Variants in DDX23 observed in about 807,000 individuals in gnomAD.
DDX23 encodes the protein DEAD-box helicase 23.
DDX23 carries 33 observed loss-of-function variants against 102.7 expected under a neutral mutation model. The observed-to-expected ratio is 0.32, with a 90% CI of 0.24 to 0.43. DDX23 has a LOEUF of 0.43. Among genes scored for constraint, DDX23 ranks in the 20% least tolerant of loss-of-function variants. The pLI is 1.00. For missense variants in DDX23, 549 were observed against 1,086.6 expected (o/e 0.51, Z 6.96); for synonymous variants, 352 against 376.0 (o/e 0.94, Z 0.74).
In DDX23 at chr12:48,851,472, C is replaced by CA. The variant is rs1422608059; in HGVS notation, c.-1+611dup. 9.7e-3 allele frequency among the ~76,000 whole-genome samples: 1,131 copies of CA among 116,590 alleles called. 11 individuals are homozygous for CA. Among genetic ancestry groups the CA allele is most frequent in the African/African-American group, 0.03 (922 of 31,082 alleles). The allele number at this position is 116,590 out of a possible 152,430, so 76.5% of individuals were successfully genotyped here. ...TAGGCGACAGAGCGAGACTCCGTCT[C>CA]AAAAAAAAAAAGAAAAGAAAAGAAA... is the stretch of plus-strand genomic sequence containing the variant. On this transcript the variant is annotated intron_variant, in intron 1 of 16. Transcript: ENST00000308025.
intron 3 of DDX23, among the ~76,000 whole-genome samples, chr12:48,843,673 T>C (rs1374824043): frequency 6.6e-6 from 1 of 150,838 alleles, no homozygotes; most frequent in Non-Finnish European, 1.5e-5. Flanking sequence ...CTCAGCCTCC[T>C]GAGTAGCTGG....
At chr12:48,849,929 C>T (rs1306498859) in intron 1 of DDX23, among the ~76,000 whole-genome samples, 2 of 152,196 alleles carry the variant, frequency 1.3e-5, no homozygotes, top group Non-Finnish European at 2.9e-5. Context: ...CTGGGAAGCA[C>T]TAATGCAGGA....
intron 1 of DDX23, among the ~76,000 whole-genome samples, chr12:48,851,259 C>G (rs1235079279): frequency 1.3e-5 from 2 of 152,070 alleles, no homozygotes; most frequent in African/African-American, 4.8e-5. Flanking sequence ...ATTGCCTGAG[C>G]TCAGGAGTTC....
chr12:48,843,648 A>G (rs2137492905), intron 3 of DDX23, among the ~76,000 whole-genome samples: 1 of 146,092 alleles, frequency 6.8e-6, no homozygotes, highest in African/African-American at 2.5e-5. Context: ...TCCCGGGTTC[A>G]CGCCATTCTC....
At chr12:48,846,629 G>A (rs1049458813) in intron 1 of DDX23, among the ~76,000 whole-genome samples, 4 of 152,206 alleles carry the variant, frequency 2.6e-5, no homozygotes, top group African/African-American at 9.6e-5. Flanking sequence ...TATGCAATGG[G>A]AAGAACTTGG....
In DDX23 at chr12:48,840,113, G is replaced by A. The variant is rs755048167; in HGVS notation, c.321-7C>T. The stretch of plus-strand genomic sequence containing the variant: ...TCCTCGACCAGGAGATAAGCTTTGA[G>A]GAAAAGGAACAAGGTCCACATCACT... On this transcript the variant is annotated splice_polypyrimidine_tract_variant and splice_region_variant and intron_variant, in intron 3 of 16. Transcript: ENST00000308025. The A allele has an allele frequency of 1.1e-5, 18 of 1,610,334 alleles. No individual in the cohort carries two copies. The highest frequency in any genetic ancestry group is 1.4e-5 in the Non-Finnish European group (17 of 1,176,724).
Position 48,840,096 on chromosome 12 carries a change from C to G in DDX23, c.331G>C (p.Gly111Arg), listed in dbSNP as rs771138266. The part of the protein sequence containing the change: ...KDRKRSSLSP[G>R]RGKDFKSRKD... ...CGAGATTTAAAGTCTTTTCCTCGAC[C>G]AGGAGATAAGCTTTGAGGAAAAGGA... is the stretch of plus-strand genomic sequence containing the variant. Residue 111 changes from glycine (G) to arginine (R), a missense_variant, in exon 4 of 17, where the codon GGT becomes CGT. Gly to Arg is a moderately radical substitution (Grantham distance 125). Coordinates refer to ENST00000308025, the MANE Select transcript of DDX23 (RefSeq NM_004818.3). 1 of 1,613,806 alleles carries G rather than the reference C, an allele frequency of 6.2e-7. No individual in the cohort carries two copies. The highest frequency in any genetic ancestry group is 2.2e-5 in the East Asian group (1 of 44,888).
intron 2 of DDX23, among the ~76,000 whole-genome samples, chr12:48,844,715 C>T (rs946759064): frequency 6.6e-6 from 1 of 151,212 alleles, no homozygotes; most frequent in African/African-American, 2.4e-5. Flanking sequence ...TCGTGATCCA[C>T]CTGCCTCGGC....
chr12:48,847,397 C>T (rs1938684672), intron 1 of DDX23: 1 of 152,040 alleles, frequency 6.6e-6, no homozygotes, highest in African/African-American at 2.4e-5. Context: ...TGCCTGTAGT[C>T]CCAGCTACTC....
Position 48,836,408 on chromosome 12 carries a change from C to G in DDX23, c.1237-142G>C. 7.9e-7 allele frequency: 1 copy of G among 1,262,116 alleles called. No individual in the cohort carries two copies. The highest frequency in any genetic ancestry group is 1.1e-6 in the Non-Finnish European group (1 of 897,324). The allele number at this position is 1,262,116 out of a possible 1,614,324, so 78.2% of individuals were successfully genotyped here. A position where few individuals can be genotyped will look rare whatever the true frequency, so the allele number is the denominator to read the frequency against. On this transcript the variant is annotated intron_variant, in intron 10 of 16. Coordinates refer to ENST00000308025, the MANE Select transcript of DDX23 (RefSeq NM_004818.3). This position sits in a 1 kb window ranked among gnomAD's most constrained non-coding sequence, Gnocchi z 6.1. ...AGAAATAGGGACCCCAAGAAGAAAC[C>G]TAATCACTAAAAGCCAACACTTCTA...
Position 48,833,366 on chromosome 12 carries a change from C to T in DDX23, c.1714G>A (p.Val572Ile). The change falls in exon 13 of 17, where the codon GTC becomes ATC. Residue 572 changes from valine to isoleucine, a missense_variant. Physicochemically the swap from Val to Ile is conservative, Grantham distance 29 (BLOSUM62 3). Coordinates refer to ENST00000308025, the MANE Select transcript of DDX23 (RefSeq NM_004818.3). Reference protein sequence around the residue: ...DVQKILEHMPVSNQKPDTDEA... With the variant: ...DVQKILEHMPISNQKPDTDEA... ...TCCGTGTCTGGCTTCTGGTTGCTGA[C>T]AGGCATGTGCTCCAGGATCTTCTGG... The T allele has an allele frequency of 1.2e-6, 2 of 1,614,206 alleles. No individual in the cohort carries two copies. Among genetic ancestry groups the T allele is most frequent in the South Asian group, 1.1e-5 (1 of 91,080 alleles).
At position 48,833,305 on chromosome 12, in the gene DDX23, A is replaced by G; in HGVS notation, c.1775T>C (p.Phe592Ser). ...AEDPEKMLAN[F>S]ESGKHKYRQT... Reference sequence around the variant, plus strand: ...GCGGTACTTATGTTTTCCCGACTCAAAGTTGGCCAGCATCTTCTCAGGGTC... The same window carrying G: ...GCGGTACTTATGTTTTCCCGACTCAGAGTTGGCCAGCATCTTCTCAGGGTC... Residue 592 changes from phenylalanine to serine, a missense_variant, in exon 13 of 17, where the codon TTT becomes TCT. This residue lies in a region of DDX23 where 270 missense variants were observed against 707.0 expected (regional missense o/e 0.38). Coordinates refer to ENST00000308025, the MANE Select transcript of DDX23 (RefSeq NM_004818.3). 2 of 1,614,112 alleles carry G rather than the reference A, an allele frequency of 1.2e-6. No homozygotes were observed. The highest frequency in any genetic ancestry group is 1.7e-6 in the Non-Finnish European group (2 of 1,180,022).
chr12:48,840,569 T>G (rs1349561392), intron 3 of DDX23, among the ~76,000 whole-genome samples: 1 of 150,004 alleles, frequency 6.7e-6, no homozygotes, highest in East Asian at 1.9e-4. Flanking sequence ...TTTTTTTTTT[T>G]TGAGACACAG....
chr12:48,843,534 ACTTT>A (rs1173810919), intron 3 of DDX23, among the ~76,000 whole-genome samples: 41 of 148,234 alleles, frequency 2.8e-4, no homozygotes, highest in East Asian at 6.1e-4. Context: ...AGAGAAATCT[ACTTT>A]CTTTCTTTCT....
At chr12:48,837,216 T>C (rs1592201092) in intron 8 of DDX23, 65 bp downstream of exon 8, 3 of 1,572,786 alleles carry the variant, frequency 1.9e-6, no homozygotes, top group African/African-American at 2.7e-5. Flanking sequence ...TCCACCTCCG[T>C]AGTCATCAGC....
In DDX23 at chr12:48,830,467, T is replaced by A. The variant is rs1938368407; in HGVS notation, c.*2A>T. ...CCCTCAGCCCACAGGAAGAGTGCTG[T>A]GTCAGGCAAAGATGGTCTCTTCCCG... On this transcript the variant is annotated 3_prime_UTR_variant, in exon 17 of 17. Transcript: ENST00000308025. The surrounding 1 kb of genome is among the most constrained non-coding windows in gnomAD (Gnocchi z 4.9). 6.2e-7 allele frequency: 1 copy of A among 1,613,954 alleles called. No homozygotes were observed. Among genetic ancestry groups the A allele is most frequent in the Non-Finnish European group, 8.5e-7 (1 of 1,179,932 alleles).
Position 48,830,182 on chromosome 12 carries a change from AGCCTGGCATGAGCTGATG to A in DDX23, c.*269_*286del, listed in dbSNP as rs1173397689. 1.8e-6 allele frequency: 1 copy of A among 564,310 alleles called. No individual in the cohort carries two copies. The highest frequency in any genetic ancestry group is 3.4e-6 in the Non-Finnish European group (1 of 296,934). The allele number at this position is 564,310 out of a possible 1,614,324, so 35.0% of individuals were successfully genotyped here. The stretch of plus-strand genomic sequence containing the variant: ...AGCAATGCCAACTGGCTGCCCCCAT[AGCCTGGCATGAGCTGATG>A]GCCCAGTGCAATCCCAAAGCAAAGA... On this transcript the variant is annotated 3_prime_UTR_variant, in exon 17 of 17. Coordinates refer to ENST00000308025, the MANE Select transcript of DDX23 (RefSeq NM_004818.3). The surrounding 1 kb of genome is among the most constrained non-coding windows in gnomAD (Gnocchi z 4.9).
intron 5 of DDX23, 136 bp from the exon 6 acceptor site, chr12:48,838,216 G>C (rs1938493870): frequency 7.7e-7 from 1 of 1,295,984 alleles, no homozygotes; most frequent in Non-Finnish European, 1.1e-6. Context: ...AATAGGCCTT[G>C]GACTCGGTTA....
At chr12:48,848,443 T>C (rs1938704760) in intron 1 of DDX23, among the ~76,000 whole-genome samples, 1 of 152,058 alleles carries the variant, frequency 6.6e-6, no homozygotes. Flanking sequence ...TAACAAGAGA[T>C]AGATGGCTCA....
Sources: allele counts gnomAD v4.1 joint callset (sites outside exome capture counted in the v4.1 genomes callset), GRCh38; gene constraint gnomAD v4.1.1; regional missense constraint gnomAD v4.1.1; non-coding constraint Gnocchi (gnomAD v3.1); transcripts MANE v1.5; gene names NCBI Gene and HGNC (gene_info 2026-07-23, HGNC 2026-07-21).